LRP1B: variants seen among roughly 807,000 people sequenced by gnomAD.
LRP1B encodes LDL receptor related protein 1B.
A neutral mutation model predicts 556.6 loss-of-function variants in LRP1B; 217 were observed. That is an observed-to-expected ratio of 0.39 (90% CI 0.35 to 0.44). The LOEUF (loss-of-function observed/expected upper bound fraction) is 0.44, where lower values mean the gene tolerates loss of function less well. LRP1B is among the 20% of genes least tolerant of loss of function. The probability of loss-of-function intolerance (pLI) is 1.00; values close to 1 mark genes in which losing one functional copy is unlikely to be tolerated. For synonymous variants in LRP1B, 2,047 were observed against 1,865.8 expected, an observed-to-expected ratio of 1.10 and a Z score of -2.50; for missense variants, 5,053 against 5,620.8, an observed-to-expected ratio of 0.90 and a Z score of 3.23.
At chr2:141,614,084 A>G (rs1317504347) in intron 2 of LRP1B, among the ~76,000 whole-genome samples, 3 of 146,504 alleles carry the variant, frequency 2.0e-5, no homozygotes, top group Admixed American at 6.8e-5. Context: ...CAGCCTCAAA[A>G]AAAAAAAAAA....
intron 2 of LRP1B, among the ~76,000 whole-genome samples, chr2:141,616,271 ACT>A (rs1469476179): frequency 1.4e-5 from 2 of 144,418 alleles, no homozygotes; most frequent in Non-Finnish European, 3.0e-5. Flanking sequence ...ACAGGGTGAG[ACT>A]CTGTCTCAAG....
chr2:141,950,793 A>C lies in LRP1B; in HGVS notation c.83-140392T>G, dbSNP rs368161156. On this transcript the variant is annotated intron_variant, in intron 1 of 90. Coordinates refer to ENST00000389484, the MANE Select transcript of LRP1B (RefSeq NM_018557.3). ...ATTAGGTAACTCGCATTTCTAAGAG[A>C]AAATGAAGCCAAAAATCTCAAAGAA... Among the ~76,000 whole-genome samples the C allele has an allele frequency of 3.2e-4, 49 of 152,264 alleles. 2 individuals are homozygous for C. In the South Asian group the frequency reaches 0.01, roughly 32 times the overall value.
At chr2:140,794,610 G>A (rs142365761) in intron 32 of LRP1B, among the ~76,000 whole-genome samples, 1,976 of 150,370 alleles carry the variant, frequency 0.013, 40 homozygotes, top group African/African-American at 0.045. Context: ...TTGTTATATA[G>A]CCACTTTCTT....
intron 1 of LRP1B, among the ~76,000 whole-genome samples, chr2:141,869,929 T>C (rs1698529215): frequency 6.6e-6 from 1 of 152,000 alleles, no homozygotes; most frequent in African/African-American, 2.4e-5. Flanking sequence ...AATGAAAAAA[T>C]GAGGAAGAGA....
chr2:141,789,568 G>C (rs951392740), intron 2 of LRP1B, among the ~76,000 whole-genome samples: 2 of 151,712 alleles, frequency 1.3e-5, no homozygotes, highest in Non-Finnish European at 2.9e-5. Flanking sequence ...GGATTAGTAA[G>C]AAACACACCA....
intron 20 of LRP1B, among the ~76,000 whole-genome samples, chr2:140,937,880 C>A (rs900452657): frequency 6.6e-6 from 1 of 151,206 alleles, no homozygotes; most frequent in African/African-American, 2.4e-5. Context: ...AGCCTCACTG[C>A]TTTGAGTGGA....
At chr2:140,311,161 A>G (rs1205614950) in intron 83 of LRP1B, among the ~76,000 whole-genome samples, 2 of 151,844 alleles carry the variant, frequency 1.3e-5, no homozygotes, top group Non-Finnish European at 2.9e-5. Flanking sequence ...TGATACAGCA[A>G]TCCCACTACT....
At position 140,946,856 on chromosome 2, in the gene LRP1B, A is replaced by G. The variant is rs144806439; in HGVS notation, c.3136+3379T>C. ...TACTATGCAACCATAAAAAGGAACAAATTATGTCATTTACAGCGACATGAA... is the reference window on the plus strand; with the variant it reads ...TACTATGCAACCATAAAAAGGAACAGATTATGTCATTTACAGCGACATGAA... On this transcript the variant is annotated intron_variant, in intron 20 of 90. Transcript: ENST00000389484. Among the ~76,000 whole-genome samples the G allele has an allele frequency of 2.4e-3, 366 of 152,286 alleles. 2 individuals are homozygous for G. Among genetic ancestry groups the G allele is most frequent in the African/African-American group, 8.2e-3 (341 of 41,566 alleles).
At chr2:141,310,763 A>G (rs1288361064) in intron 3 of LRP1B, among the ~76,000 whole-genome samples, 2 of 152,218 alleles carry the variant, frequency 1.3e-5, no homozygotes, top group Non-Finnish European at 2.9e-5. Context: ...AGAAAGAGAT[A>G]TATCAAAGAT....
chr2:140,737,195 G>A (rs139765301), intron 35 of LRP1B, among the ~76,000 whole-genome samples: 8 of 152,206 alleles, frequency 5.3e-5, no homozygotes, highest in African/African-American at 1.9e-4. Flanking sequence ...AAGGCCCTAG[G>A]GAGAAGGACC....
At chr2:141,010,618 G>T (rs1040934068) in intron 14 of LRP1B, among the ~76,000 whole-genome samples, 2 of 151,824 alleles carry the variant, frequency 1.3e-5, no homozygotes, top group African/African-American at 4.8e-5. Context: ...AAGTTTAAGT[G>T]ATTCTCCTGC....
chr2:141,587,368 T>C lies in LRP1B; in HGVS notation c.206-106835A>G, dbSNP rs1221864751. Among the ~76,000 whole-genome samples the C allele has an allele frequency of 3.3e-5, 5 of 152,232 alleles. No individual in the cohort carries two copies. The East Asian group carries it at 5.8e-4, about 18-fold the overall frequency. ...TGCTTTGGGAGCTGACCTGGCATTA[T>C]AGAAATAGGTGTGCTACTTTCTATA... On this transcript the variant is annotated intron_variant, in intron 2 of 90. Coordinates refer to ENST00000389484, the MANE Select transcript of LRP1B (RefSeq NM_018557.3).
At chr2:141,939,150 A>G (rs924908019) in intron 1 of LRP1B, among the ~76,000 whole-genome samples, 5 of 151,992 alleles carry the variant, frequency 3.3e-5, no homozygotes, top group Non-Finnish European at 7.4e-5. Context: ...ATACTACAAA[A>G]AAAAACTATG....
chr2:141,986,130 T>C (rs776264555), intron 1 of LRP1B, among the ~76,000 whole-genome samples: 5 of 151,942 alleles, frequency 3.3e-5, no homozygotes, highest in Admixed American at 6.6e-5. Context: ...AAATTCTTAT[T>C]ATGTTTTTTC....
At chr2:141,508,488 A>G (rs1223002135) in intron 2 of LRP1B, among the ~76,000 whole-genome samples, 1 of 152,216 alleles carries the variant, frequency 6.6e-6, no homozygotes, top group Admixed American at 6.5e-5. Flanking sequence ...TATAAAGAGA[A>G]AACTTACACT....
At position 140,293,742 on chromosome 2, in the gene LRP1B, C is replaced by T. The variant is rs368244444; in HGVS notation, c.12967+4066G>A. ...AGCTGTTGAATTTGTCATTTTAATGCCACTGTCCACAGACTTATTATGCTG... is the reference window on the plus strand; with the variant it reads ...AGCTGTTGAATTTGTCATTTTAATGTCACTGTCCACAGACTTATTATGCTG... On this transcript the variant is annotated intron_variant, in intron 84 of 90. Coordinates refer to ENST00000389484, the MANE Select transcript of LRP1B (RefSeq NM_018557.3). 2.2e-4 allele frequency among the ~76,000 whole-genome samples: 34 copies of T among 152,196 alleles called. No homozygotes were observed. The South Asian group carries it at 7.0e-3, about 31-fold the overall frequency.
At chr2:141,139,515 A>C (rs1436161855) in intron 7 of LRP1B, among the ~76,000 whole-genome samples, 2 of 152,038 alleles carry the variant, frequency 1.3e-5, no homozygotes, top group East Asian at 3.9e-4. Context: ...AAGAAAAAAA[A>C]ATTATCCTAC....
chr2:140,480,819 G>A (rs1247344996), intron 59 of LRP1B, among the ~76,000 whole-genome samples: 3 of 152,128 alleles, frequency 2.0e-5, no homozygotes, highest in Non-Finnish European at 4.4e-5. Context: ...TGCTGGTAAC[G>A]ATCTAGGCAG....
At chr2:141,475,297 G>C (rs943643106) in intron 3 of LRP1B, among the ~76,000 whole-genome samples, 8 of 152,098 alleles carry the variant, frequency 5.3e-5, no homozygotes, top group Non-Finnish European at 8.8e-5. Context: ...AACCTGGGAG[G>C]GGGAGGTTGC....
Sources: allele counts gnomAD v4.1 joint callset (sites outside exome capture counted in the v4.1 genomes callset), GRCh38; gene constraint gnomAD v4.1.1; transcripts MANE v1.5; gene names NCBI Gene and HGNC (gene_info 2026-07-23, HGNC 2026-07-21).